The following SYN3 variants were observed in gnomAD, a reference collection of about 807,000 sequenced individuals.
The protein encoded by SYN3 is synapsin-3.
In SYN3, 35 loss-of-function variants were observed where a neutral mutation model predicts 65.8. The ratio of observed to expected loss-of-function variants is 0.53; its 90% CI spans 0.41 to 0.70. The LOEUF (loss-of-function observed/expected upper bound fraction) is 0.70, where lower values mean the gene tolerates loss of function less well. Among genes scored for constraint, SYN3 ranks in the 30% least tolerant of loss-of-function variants. The pLI is 0.00. For synonymous variants in SYN3, 270 were observed against 292.9 expected (o/e 0.92, Z 0.80); for missense variants, 680 against 749.0 (o/e 0.91, Z 1.08).
At chr22:32,880,567 G>T (rs773831207) in intron 4 of SYN3, among the ~76,000 whole-genome samples, 1 of 152,142 alleles carries the variant, frequency 6.6e-6, no homozygotes, top group Non-Finnish European at 1.5e-5. Flanking sequence ...CCTCTCAGCC[G>T]TCTCAGGGAT....
intron 7 of SYN3, among the ~76,000 whole-genome samples, chr22:32,566,665 G>A (rs2062212027): frequency 6.6e-6 from 1 of 152,164 alleles, no homozygotes; most frequent in African/African-American, 2.4e-5. Flanking sequence ...GTGGAGTGGT[G>A]GGAGCTGATT....
intron 4 of SYN3, among the ~76,000 whole-genome samples, chr22:32,887,477 A>G (rs2049325323): frequency 6.6e-6 from 1 of 152,282 alleles, no homozygotes; most frequent in Middle Eastern, 3.4e-3. Context: ...GACTTGTGCC[A>G]ACAACCCAAG....
At chr22:32,880,119 T>TCATC (rs911311545) in intron 4 of SYN3, among the ~76,000 whole-genome samples, 88 of 152,116 alleles carry the variant, frequency 5.8e-4, no homozygotes, top group African/African-American at 1.9e-3. Context: ...CCTGTTACAT[T>TCATC]CTGTCAGGTG....
At chr22:32,892,842 C>G (rs2049489729) in intron 4 of SYN3, among the ~76,000 whole-genome samples, 1 of 152,052 alleles carries the variant, frequency 6.6e-6, no homozygotes. Context: ...CTGGGGGAAG[C>G]TACCTATTTC....
At chr22:32,648,786 C>T (rs1457677664) in intron 6 of SYN3, among the ~76,000 whole-genome samples, 2 of 152,202 alleles carry the variant, frequency 1.3e-5, no homozygotes, top group South Asian at 2.1e-4. Context: ...TGGCTCACAG[C>T]AAACAACTAA....
intron 5 of SYN3, among the ~76,000 whole-genome samples, chr22:32,868,216 T>C (rs2048740746): frequency 1.3e-5 from 2 of 152,086 alleles, no homozygotes; most frequent in South Asian, 4.1e-4. Flanking sequence ...CATAAAACAA[T>C]ATGGTGCATC....
At chr22:32,812,464 T>A (rs372542937) in intron 6 of SYN3, among the ~76,000 whole-genome samples, 3 of 152,184 alleles carry the variant, frequency 2.0e-5, no homozygotes, top group Non-Finnish European at 4.4e-5. Context: ...TGGCTAGAAT[T>A]AAGACTCAAG....
intron 6 of SYN3, among the ~76,000 whole-genome samples, chr22:32,737,042 A>C (rs1042601436): frequency 3.3e-5 from 5 of 152,220 alleles, no homozygotes; most frequent in Non-Finnish European, 7.3e-5. Flanking sequence ...AATTGCAAAC[A>C]ACAGTTCAGA....
rs893885738 is a variant in SYN3 at position 32,512,510 on chromosome 22, T to G, written c.*1182A>C. 1 of 152,200 alleles carries G rather than the reference T, an allele frequency of 6.6e-6. No homozygotes were observed. The highest frequency in any genetic ancestry group is 2.4e-5 in the African/African-American group (1 of 41,450). The allele number at this position is 152,200 out of a possible 1,614,324, so 9.4% of individuals were successfully genotyped here. A position where few individuals can be genotyped will look rare whatever the true frequency, so the allele number is the denominator to read the frequency against. ...AGCACTGGGAAGGGAGTTAGACTAC[T>G]TTTTCCAGCTCTGCAACTAACTTAT... On this transcript the variant is annotated 3_prime_UTR_variant, in exon 14 of 14. Transcript: ENST00000358763.
In SYN3 at chr22:32,512,481, A is replaced by G. The variant is rs943390482; in HGVS notation, c.*1211T>C. On this transcript the variant is annotated 3_prime_UTR_variant, in exon 14 of 14. Transcript: ENST00000358763. ...CATGAGAGGCAGACTGGTATAGGGG[A>G]AAGAGCACTGGGAAGGGAGTTAGAC... 6.6e-6 allele frequency: 1 copy of G among 152,218 alleles called. No individual in the cohort carries two copies. Among genetic ancestry groups the G allele is most frequent in the Non-Finnish European group, 1.5e-5 (1 of 68,044 alleles). 9.4% of individuals were successfully genotyped at this position (152,218 alleles called of 1,614,324 possible). A position where few individuals can be genotyped will look rare whatever the true frequency, so the allele number is the denominator to read the frequency against.
chr22:32,871,645 G>A (rs2048852166), intron 4 of SYN3, among the ~76,000 whole-genome samples: 1 of 151,850 alleles, frequency 6.6e-6, no homozygotes, highest in Non-Finnish European at 1.5e-5. Context: ...GTCTCCCTCT[G>A]TTGCTCAGGC....
chr22:32,617,575 G>C (rs2059538562), intron 6 of SYN3, among the ~76,000 whole-genome samples: 1 of 151,938 alleles, frequency 6.6e-6, no homozygotes, highest in Non-Finnish European at 1.5e-5. Context: ...TGATGGGGAA[G>C]CGGGGTGGGA....
At chr22:32,814,320 A>AAAGAAAGAAAGAAAGAAAGG (rs2047018465) in intron 6 of SYN3, among the ~76,000 whole-genome samples, 30 of 144,816 alleles carry the variant, frequency 2.1e-4, no homozygotes, top group African/African-American at 7.5e-4. Context: ...AGAGAGACAG[A>AAAGAAAGAAAGAAAGAAAGG]AAGAAAGAAA....
chr22:32,990,610 T>A (rs2052686230), intron 2 of SYN3, among the ~76,000 whole-genome samples: 1 of 152,190 alleles, frequency 6.6e-6, no homozygotes, highest in Admixed American at 6.5e-5. Context: ...TCCTGGTTTT[T>A]ACTGTCTAGC....
chr22:32,549,592 G>C (rs2058382200), intron 7 of SYN3, among the ~76,000 whole-genome samples: 1 of 152,128 alleles, frequency 6.6e-6, no homozygotes, highest in Non-Finnish European at 1.5e-5. Flanking sequence ...TGTGGACAAT[G>C]CACATATTTG....
intron 6 of SYN3, chr22:32,857,218 G>A: frequency 6.4e-7 from 1 of 1,560,360 alleles, no homozygotes; most frequent in South Asian, 1.1e-5. Flanking sequence ...AACTGGGAAA[G>A]AAGAAGTCAT....
At chr22:33,055,903 C>T (rs1305473948) in intron 1 of SYN3, among the ~76,000 whole-genome samples, 1 of 152,152 alleles carries the variant, frequency 6.6e-6, no homozygotes, top group African/African-American at 2.4e-5. Context: ...ACTCAATACA[C>T]ATTGATTGAT....
At chr22:32,559,603 C>T (rs546547970) in intron 7 of SYN3, among the ~76,000 whole-genome samples, 55 of 152,146 alleles carry the variant, frequency 3.6e-4, no homozygotes, top group African/African-American at 1.2e-3. Flanking sequence ...CCGAGATGGG[C>T]GGATCACGAG....
chr22:32,863,853 T>C (rs2048614687), intron 6 of SYN3, among the ~76,000 whole-genome samples: 1 of 152,142 alleles, frequency 6.6e-6, no homozygotes, highest in Non-Finnish European at 1.5e-5. Flanking sequence ...AGTTTGATAA[T>C]GAACTCTGAA....
Sources: gnomAD v4.1 joint callset for allele counts (sites outside exome capture counted in the v4.1 genomes callset) on GRCh38, gnomAD v4.1.1 for gene constraint, MANE v1.5 for transcripts, NCBI Gene and HGNC (gene_info 2026-07-23, HGNC 2026-07-21) for gene names.